Variants in SMG1 observed in about 807,000 individuals in gnomAD.
SMG1 encodes serine/threonine-protein kinase SMG1.
In SMG1, 22 loss-of-function variants were observed where a neutral mutation model predicts 419.9. The observed-to-expected ratio is 0.05, with a 90% CI of 0.04 to 0.07. The LOEUF (loss-of-function observed/expected upper bound fraction) is 0.07. Among genes scored for constraint, SMG1 ranks in the 10% least tolerant of loss-of-function variants. SMG1 has a pLI of 1.00. For synonymous variants in SMG1, 1,538 were observed against 1,553.5 expected (o/e 0.99, Z 0.23); for missense variants, 3,185 against 4,342.0 (o/e 0.73, Z 7.49).
intron 25 of SMG1, among the ~76,000 whole-genome samples, chr16:18,862,416 G>A (rs1229289773): frequency 6.6e-6 from 1 of 152,184 alleles, no homozygotes; most frequent in African/African-American, 2.4e-5. Flanking sequence ...AGACTGAAAA[G>A]GAAAGAGGGC....
chr16:18,810,479 C>T (rs1416975186), intron 62 of SMG1, among the ~76,000 whole-genome samples: 1 of 152,090 alleles, frequency 6.6e-6, no homozygotes, highest in African/African-American at 2.4e-5. Context: ...ATGGACAGTC[C>T]CTGACTCACA....
rs2033309816 is a variant in SMG1, at chr16:18,833,005, G to A, written c.8727C>T (p.Ala2909=). The A allele has an allele frequency of 1.2e-6, 2 of 1,613,798 alleles. No homozygotes were observed. The highest frequency in any genetic ancestry group is 1.7e-6 in the Non-Finnish European group (2 of 1,179,890). Residue 2909 remains alanine (A), a synonymous_variant, in exon 51 of 63, where the codon GCC becomes GCT. Transcript: ENST00000446231. The part of the protein sequence containing the change: ...PLQTLVESLQ[A]YLRNAAMGLE... ...GTCCCATAGCTGCGTTTCTTAAGTA[G>A]GCCTGAAGAGATTCCACTAGAGTCT...
intron 13 of SMG1, among the ~76,000 whole-genome samples, chr16:18,874,597 G>A (rs1567407527): frequency 1.3e-5 from 2 of 148,336 alleles, no homozygotes; most frequent in Middle Eastern, 3.5e-3. Context: ...TGGGCGCGGT[G>A]GCTCACGCCT....
intron 46 of SMG1, among the ~76,000 whole-genome samples, 157 bp from the exon 47 acceptor site, chr16:18,836,689 G>A (rs1306944984): frequency 1.3e-5 from 2 of 152,058 alleles, no homozygotes; most frequent in Non-Finnish European, 2.9e-5. Context: ...TGTTTTTCCT[G>A]ACCCTGTGAT....
chr16:18,895,984 T>A (rs2037106884), intron 3 of SMG1, 68 bp downstream of exon 3: 3 of 1,406,992 alleles, frequency 2.1e-6, no homozygotes, highest in Non-Finnish European at 3.0e-6. Flanking sequence ...GTAAGAGGCA[T>A]CCAGAATAAG....
chr16:18,889,886 G>C, intron 5 of SMG1, among the ~76,000 whole-genome samples: 1 of 152,124 alleles, frequency 6.6e-6, no homozygotes, highest in East Asian at 1.9e-4. Flanking sequence ...TCAGAAAAGG[G>C]CAGCAACAAA....
chr16:18,917,256 G>A (rs188505967), intron 1 of SMG1, among the ~76,000 whole-genome samples: 3 of 152,020 alleles, frequency 2.0e-5, no homozygotes, highest in African/African-American at 7.2e-5. Flanking sequence ...AGGTTCAAGT[G>A]ATTCTCCTGC....
chr16:18,915,166 G>T (rs950115662), intron 1 of SMG1, among the ~76,000 whole-genome samples: 1 of 151,950 alleles, frequency 6.6e-6, no homozygotes, highest in African/African-American at 2.4e-5. Flanking sequence ...GTCGAGATGG[G>T]GTTTCACCAT....
chr16:18,899,374 CA>C (rs985204229), intron 1 of SMG1, among the ~76,000 whole-genome samples: 3 of 150,708 alleles, frequency 2.0e-5, no homozygotes, highest in South Asian at 4.2e-4. Flanking sequence ...AGAAATATAA[CA>C]AAAAAAAACT....
chr16:18,812,771 T>G (rs529030275), intron 60 of SMG1, among the ~76,000 whole-genome samples: 7 of 152,170 alleles, frequency 4.6e-5, no homozygotes, highest in East Asian at 1.9e-4. Context: ...GCTGCACCCA[T>G]TAACTCTTCA....
At chr16:18,865,623 C>A (rs1252192549) in intron 23 of SMG1, among the ~76,000 whole-genome samples, 1 of 150,680 alleles carries the variant, frequency 6.6e-6, no homozygotes, top group Non-Finnish European at 1.5e-5. Flanking sequence ...AAATACAAAT[C>A]TTTATTAAAA....
chr16:18,836,691 C>T (rs2033596739), intron 46 of SMG1, among the ~76,000 whole-genome samples, 159 bp from the exon 47 acceptor site: 1 of 152,158 alleles, frequency 6.6e-6, no homozygotes, highest in African/African-American at 2.4e-5. Flanking sequence ...TTTTTCCTGA[C>T]CCTGTGATTC....
In SMG1 at chr16:18,869,295, T is replaced by C. The variant is rs770980607; in HGVS notation, c.2642A>G (p.Asn881Ser). The change falls in exon 20 of 63, where the codon AAT becomes AGT. Residue 881 changes from asparagine to serine, a missense_variant. Around this residue, in one of 27 missense-constraint regions of SMG1, gnomAD observed 297 missense variants for 491.0 expected, o/e 0.60. Coordinates refer to ENST00000446231, the MANE Select transcript of SMG1 (RefSeq NM_015092.5). Reference sequence around the variant, plus strand: ...GCTATAGAACAGTCTTTCCAACCAATTGTCCTTCCTGGGAAAAGCAGTTTC... The same window carrying C: ...GCTATAGAACAGTCTTTCCAACCAACTGTCCTTCCTGGGAAAAGCAGTTTC... ...YGNSHRTGKD[N>S]WLERLFYSCQ... 8 of 1,609,550 alleles carry C rather than the reference T, an allele frequency of 5.0e-6. No homozygotes were observed. The highest frequency in any genetic ancestry group is 2.2e-5 in the East Asian group (1 of 44,868).
intron 1 of SMG1, among the ~76,000 whole-genome samples, chr16:18,914,734 C>T (rs115935327): frequency 0.011 from 1,730 of 152,154 alleles, 35 homozygotes; most frequent in African/African-American, 0.04. Flanking sequence ...TCAGCAGGCA[C>T]GCAACTGACA....
At chr16:18,912,052 A>G (rs2037812706) in intron 1 of SMG1, among the ~76,000 whole-genome samples, 1 of 148,270 alleles carries the variant, frequency 6.7e-6, no homozygotes, top group African/African-American at 2.5e-5. Flanking sequence ...ACTGCACTCC[A>G]GCCTGGGCAA....
At chr16:18,920,775 G>A (rs2038166595) in intron 1 of SMG1, among the ~76,000 whole-genome samples, 1 of 152,052 alleles carries the variant, frequency 6.6e-6, no homozygotes, top group Admixed American at 6.6e-5. Context: ...GGGAGGTGGA[G>A]GCTGCAGTGA....
At chr16:18,887,516 C>CTTTGTTTTTTTTTTGTTT (rs749197007) in intron 6 of SMG1, among the ~76,000 whole-genome samples, 1 of 110,140 alleles carries the variant, frequency 9.1e-6, no homozygotes. Flanking sequence ...TTTTTTTTTC[C>CTTTGTTTTTTTTTTGTTT]TTTTTTTTTT....
chr16:18,840,597 A>T (rs1192292011), intron 41 of SMG1, among the ~76,000 whole-genome samples: 1 of 152,216 alleles, frequency 6.6e-6, no homozygotes, highest in Non-Finnish European at 1.5e-5. Flanking sequence ...AAGCACTCAG[A>T]TACATGGCTA....
intron 57 of SMG1, among the ~76,000 whole-genome samples, chr16:18,816,917 T>C (rs374431206): frequency 1.3e-5 from 2 of 152,178 alleles, no homozygotes; most frequent in South Asian, 4.1e-4. Context: ...CAACTTGCTA[T>C]TTCTGGCCTT....
Sources: allele counts gnomAD v4.1 joint callset (sites outside exome capture counted in the v4.1 genomes callset), GRCh38; gene constraint gnomAD v4.1.1; regional missense constraint gnomAD v4.1.1; transcripts MANE v1.5; gene names NCBI Gene and HGNC (gene_info 2026-07-23, HGNC 2026-07-21).